LYST: variants seen among roughly 807,000 people sequenced by gnomAD.
LYST encodes lysosomal-trafficking regulator.
LYST carries 192 observed loss-of-function variants against 413.6 expected under a neutral mutation model. That is an observed-to-expected ratio of 0.46 (90% confidence interval 0.41 to 0.52). The LOEUF is 0.52. Among genes scored for constraint, LYST ranks in the 20% least tolerant of loss-of-function variants. The pLI, the probability that LYST is intolerant of heterozygous loss-of-function variation, is 0.00. For missense variants in LYST, 3,815 were observed against 4,499.9 expected (o/e 0.85, Z 4.35); for synonymous variants, 1,525 against 1,567.3 (o/e 0.97, Z 0.64).
rs115181951 is a variant in LYST, at chr1:235,674,635, G to A, written c.11038+2456C>T. Among the ~76,000 whole-genome samples, 3,733 of 152,236 alleles carry A rather than the reference G, an allele frequency of 0.025. 151 individuals carry two copies. The highest frequency in any genetic ancestry group is 0.085 in the African/African-American group (3,526 of 41,510). On this transcript the variant is annotated intron_variant, in intron 50 of 52. Coordinates refer to ENST00000389793, the MANE Select transcript of LYST (RefSeq NM_000081.4). This position sits in a 1 kb window ranked among gnomAD's most constrained non-coding sequence, Gnocchi z 4.1. ...AACTATACTAGGGATGCCATTAAAG[G>A]AATAGCTGAACAATTAGGTCCTACC...
chr1:235,846,175 C>T (rs1270085406), intron 1 of LYST, among the ~76,000 whole-genome samples: 1 of 152,158 alleles, frequency 6.6e-6, no homozygotes, highest in Admixed American at 6.5e-5. Context: ...CTGAGAGACC[C>T]ATAGATGGTT....
chr1:235,794,053 G>A (rs1483376411), intron 10 of LYST, among the ~76,000 whole-genome samples: 1 of 151,952 alleles, frequency 6.6e-6, no homozygotes, highest in Non-Finnish European at 1.5e-5. Flanking sequence ...GGCTGGTCTC[G>A]AACTCCTGAC....
chr1:235,752,218 G>T (rs763449821), intron 26 of LYST, 47 bp from the exon 27 acceptor site: 1 of 1,415,300 alleles, frequency 7.1e-7, no homozygotes. Context: ...ATAAGAAAAA[G>T]AACAAATAAT....
At chr1:235,800,183 G>A in intron 10 of LYST, 137 bp downstream of exon 10, 1 of 623,166 alleles carries the variant, frequency 1.6e-6, no homozygotes, top group Non-Finnish European at 3.0e-6. Context: ...CCAGGCTCAA[G>A]TGATCCGCCT....
chr1:235,822,686 C>A (rs981603900), intron 3 of LYST, among the ~76,000 whole-genome samples: 4 of 152,204 alleles, frequency 2.6e-5, no homozygotes, highest in African/African-American at 9.6e-5. Flanking sequence ...AACACAGCCA[C>A]AAATTAATTG....
intron 31 of LYST, chr1:235,735,117 T>C (rs1049592160): frequency 6.6e-6 from 1 of 152,342 alleles, no homozygotes; most frequent in African/African-American, 2.4e-5. Context: ...ACTAGCCAGC[T>C]AGCTTTTGGG....
chr1:235,692,394 T>G (rs1660731963), intron 47 of LYST, among the ~76,000 whole-genome samples: 2 of 151,834 alleles, frequency 1.3e-5, no homozygotes, highest in African/African-American at 4.8e-5. Flanking sequence ...ACTCTTTTTT[T>G]TTTAAGATGG....
intron 47 of LYST, among the ~76,000 whole-genome samples, chr1:235,688,173 G>C (rs1009964350): frequency 3.9e-5 from 6 of 152,166 alleles, no homozygotes; most frequent in African/African-American, 9.7e-5. Context: ...AACTCATTCT[G>C]TCTTGGAATT....
intron 1 of LYST, among the ~76,000 whole-genome samples, chr1:235,856,956 T>C (rs1268505354): frequency 6.6e-6 from 1 of 150,606 alleles, no homozygotes; most frequent in African/African-American, 2.5e-5. Flanking sequence ...TTTTTTTTTT[T>C]TTTTTTGAGA....
Position 235,854,354 on chromosome 1 carries a change from C to T in LYST, c.-98+12489G>A, listed in dbSNP as rs940047329. On this transcript the variant is annotated intron_variant, in intron 1 of 52. Transcript: ENST00000389793. This position sits in a 1 kb window ranked among gnomAD's most constrained non-coding sequence, Gnocchi z 4.1. ...GGCCAGGATTCAGACTCATGCAATC[C>T]CTTTGTATTCTATATACAAATTTCT... Among the ~76,000 whole-genome samples, 2 of 152,184 alleles carry T rather than the reference C, an allele frequency of 1.3e-5. No homozygotes were observed. The highest frequency in any genetic ancestry group is 4.8e-5 in the African/African-American group (2 of 41,436).
At chr1:235,798,557 G>A (rs1315063306) in intron 10 of LYST, among the ~76,000 whole-genome samples, 5 of 107,778 alleles carry the variant, frequency 4.6e-5, no homozygotes, top group Admixed American at 4.2e-4. Flanking sequence ...CAGCCTTGGC[G>A]ACAAGGGCAA....
rs965256863 is a variant in LYST, at chr1:235,686,367, AAAAAAC to A, written c.10800+576_10800+581del. Among the ~76,000 whole-genome samples the A allele has an allele frequency of 6.6e-6, 1 of 152,224 alleles. No homozygotes were observed. Among genetic ancestry groups the A allele is most frequent in the Non-Finnish European group, 1.5e-5 (1 of 68,038 alleles). On this transcript the variant is annotated intron_variant, in intron 48 of 52. Coordinates refer to ENST00000389793, the MANE Select transcript of LYST (RefSeq NM_000081.4). The surrounding 1 kb of genome is among the most constrained non-coding windows in gnomAD (Gnocchi z 4.0). ...AGGCAAGAGAGGGAGGTTCTGTCTC[AAAAAAC>A]AAAAACAAAACAAAACAAAACAAAA... is the stretch of plus-strand genomic sequence containing the variant.
chr1:235,737,937 T>TC, intron 31 of LYST: 7 of 1,191,940 alleles, frequency 5.9e-6, no homozygotes, highest in Admixed American at 4.2e-5. Context: ...CACTGCCGCG[T>TC]GCCCCAACAC....
intron 24 of LYST, among the ~76,000 whole-genome samples, chr1:235,756,297 A>G (rs1487567975): frequency 2.0e-5 from 3 of 152,194 alleles, no homozygotes; most frequent in Admixed American, 6.5e-5. Context: ...AGTTTACAGC[A>G]TAACACAAAA....
At chr1:235,776,599 T>C (rs190374209) in intron 17 of LYST, among the ~76,000 whole-genome samples, 1 of 152,112 alleles carries the variant, frequency 6.6e-6, no homozygotes, top group African/African-American at 2.4e-5. Context: ...GACAGATAAT[T>C]AAATGACTCA....
intron 48 of LYST, among the ~76,000 whole-genome samples, chr1:235,681,916 A>G (rs992377373): frequency 2.6e-5 from 4 of 152,042 alleles, no homozygotes; most frequent in African/African-American, 7.2e-5. Context: ...AGCTGTTCCA[A>G]TGAATCAGCT....
chr1:235,710,721 A>G (rs1254964166), intron 43 of LYST, among the ~76,000 whole-genome samples: 1 of 152,194 alleles, frequency 6.6e-6, no homozygotes. Context: ...GACTGCCTCA[A>G]TGAATAGGAA....
Position 235,791,858 on chromosome 1 carries a change from C to T in LYST, c.4384G>A (p.Gly1462Arg). The T allele has an allele frequency of 1.2e-6, 2 of 1,614,128 alleles. No homozygotes were observed. Among genetic ancestry groups the T allele is most frequent in the Non-Finnish European group, 1.7e-6 (2 of 1,180,002 alleles). Residue 1462 changes from glycine to arginine, a missense_variant, in exon 12 of 53, where the codon GGG becomes AGG. Physicochemically the swap from Gly to Arg is moderately radical, Grantham distance 125. Transcript: ENST00000389793. ...HIAPVHLPLL[G>R]QNCWPHLSEG... is the part of the protein sequence containing the mutation. ...GATAGGTGTGGCCAGCAGTTTTGCC[C>T]CAGCAACGGCAGGTGGACTGGGGCT...
rs967074131 is a variant in LYST, at chr1:235,751,242, T to C, written c.7748A>G (p.His2583Arg). The C allele has an allele frequency of 5.0e-6, 8 of 1,613,696 alleles. No individual in the cohort carries two copies. In the East Asian group the frequency reaches 6.7e-5, roughly 13 times the overall value. Reference protein sequence around the residue: ...DSLQSPSAPHHAVVQKRKSIA... With the variant: ...DSLQSPSAPHRAVVQKRKSIA... ...GCTTTTCCGCTTTTGAACTACTGCA[T>C]GATGGGGAGCAGAAGGTGACTGGAG... The change falls in exon 28 of 53, where the codon CAT becomes CGT. Residue 2583 changes from histidine to arginine, a missense_variant. By Grantham distance (29) the His-to-Arg change is conservative. Transcript: ENST00000389793.
Sources: allele counts gnomAD v4.1 joint callset (sites outside exome capture counted in the v4.1 genomes callset), GRCh38; gene constraint gnomAD v4.1.1; non-coding constraint Gnocchi (gnomAD v3.1); transcripts MANE v1.5; gene names NCBI Gene and HGNC (gene_info 2026-07-23, HGNC 2026-07-21).